The following MKLN1 variants were observed in gnomAD, a reference collection of about 807,000 sequenced individuals.
MKLN1 encodes the protein muskelin 1.
In MKLN1, 18 loss-of-function variants were observed where a neutral mutation model predicts 99.0. That is an observed-to-expected ratio of 0.18 (90% CI 0.13 to 0.27). MKLN1 has a LOEUF of 0.27. MKLN1 is among the 10% of genes least tolerant of loss of function. The pLI, the probability that MKLN1 is intolerant of heterozygous loss-of-function variation, is 1.00. For missense variants in MKLN1, 621 were observed against 875.9 expected (o/e 0.71, Z 3.67); for synonymous variants, 288 against 293.2 (o/e 0.98, Z 0.18).
chr7:131,339,459 C>T (rs889267014), intron 1 of MKLN1, among the ~76,000 whole-genome samples: 3 of 152,154 alleles, frequency 2.0e-5, no homozygotes, highest in African/African-American at 7.2e-5. Flanking sequence ...AATCCCAGCA[C>T]TTTGGGAGGC....
intron 6 of MKLN1, among the ~76,000 whole-genome samples, chr7:131,400,276 C>T (rs980920814): frequency 3.3e-5 from 5 of 151,390 alleles, no homozygotes; most frequent in African/African-American, 1.2e-4. Flanking sequence ...TAAAAAAAAA[C>T]CAGACTTGTA....
intron 2 of MKLN1, among the ~76,000 whole-genome samples, chr7:131,173,119 A>G (rs1217279605): frequency 6.8e-6 from 1 of 147,774 alleles, no homozygotes; most frequent in African/African-American, 2.5e-5. Context: ...ACTTATGTAT[A>G]CATCATATTT....
rs541418975 is a variant in MKLN1, at chr7:131,311,277, A to G, written c.-178-64147A>G. The stretch of plus-strand genomic sequence containing the variant: ...AGACAATTGTAACTGCTTTATGAGA[A>G]GAGAAATAAAACTAATTGTTTTAGA... On this transcript the variant is annotated intron_variant, in intron 3 of 7. Coordinates refer to the MKLN1 transcript ENST00000416992. 2.6e-5 allele frequency: 4 copies of G among 152,300 alleles called. No individual in the cohort carries two copies. The South Asian group carries it at 8.3e-4, about 32-fold the overall frequency. The allele number at this position is 152,300 out of a possible 1,614,324, so 9.4% of individuals were successfully genotyped here.
At chr7:131,187,473 G>A (rs1171523048) in intron 2 of MKLN1, among the ~76,000 whole-genome samples, 1 of 152,120 alleles carries the variant, frequency 6.6e-6, no homozygotes, top group Non-Finnish European at 1.5e-5. Flanking sequence ...TCCACCGCCT[G>A]TTTCTGTAAT....
chr7:131,162,345 G>A (rs1008693851), intron 2 of MKLN1, among the ~76,000 whole-genome samples: 3 of 152,030 alleles, frequency 2.0e-5, no homozygotes, highest in African/African-American at 7.2e-5. Context: ...GAACCAACAC[G>A]CTCATGGTGT....
chr7:131,221,781 G>A (rs1489756100), intron 3 of MKLN1, among the ~76,000 whole-genome samples: 1 of 150,948 alleles, frequency 6.6e-6, no homozygotes, highest in Non-Finnish European at 1.5e-5. Context: ...TTAGCCTCCC[G>A]AAGTGCTGGG....
intron 15 of MKLN1, among the ~76,000 whole-genome samples, chr7:131,470,033 A>C (rs183921049): frequency 6.6e-6 from 1 of 151,970 alleles, no homozygotes; most frequent in Non-Finnish European, 1.5e-5. Flanking sequence ...GTGCCACCGC[A>C]CCTGGCTAAT....
At chr7:131,272,514 C>T (rs1170175084) in intron 3 of MKLN1, among the ~76,000 whole-genome samples, 1 of 152,142 alleles carries the variant, frequency 6.6e-6, no homozygotes, top group African/African-American at 2.4e-5. Context: ...TTGGCTTACC[C>T]TCATGGGAAA....
At chr7:131,253,239 C>T (rs1264880860) in intron 3 of MKLN1, among the ~76,000 whole-genome samples, 1 of 152,134 alleles carries the variant, frequency 6.6e-6, no homozygotes, top group Non-Finnish European at 1.5e-5. Context: ...TGCCCAACCC[C>T]AACTAGGTCA....
chr7:131,259,459 G>C (rs188524940), intron 3 of MKLN1, among the ~76,000 whole-genome samples: 5 of 152,118 alleles, frequency 3.3e-5, no homozygotes, highest in Admixed American at 2.6e-4. Context: ...AGGTAAAGTA[G>C]TATGTGTATA....
chr7:131,270,212 C>A (rs187465958), intron 3 of MKLN1, among the ~76,000 whole-genome samples: 11 of 151,522 alleles, frequency 7.3e-5, no homozygotes, highest in African/African-American at 2.2e-4. Flanking sequence ...ATGAGCCATG[C>A]ACCCGGCCTA....
At chr7:131,307,405 C>A (rs1217655922) in intron 3 of MKLN1, among the ~76,000 whole-genome samples, 1 of 152,116 alleles carries the variant, frequency 6.6e-6, no homozygotes. Context: ...GGACAACCAT[C>A]CTCCAGGCCC....
chr7:131,209,973 G>T (rs1164963290), intron 3 of MKLN1, among the ~76,000 whole-genome samples: 2 of 152,230 alleles, frequency 1.3e-5, no homozygotes, highest in African/African-American at 4.8e-5. Flanking sequence ...TTCCTGGGTA[G>T]TATAGATGAG....
chr7:131,333,737 C>G (rs551766158), intron 1 of MKLN1, among the ~76,000 whole-genome samples: 2 of 152,086 alleles, frequency 1.3e-5, no homozygotes, highest in African/African-American at 2.4e-5. Flanking sequence ...GGGGTTTCTC[C>G]GTGTTGGTCA....
chr7:131,201,172 A>G (rs1041526946), intron 2 of MKLN1, among the ~76,000 whole-genome samples: 10 of 152,040 alleles, frequency 6.6e-5, no homozygotes, highest in African/African-American at 2.4e-4. Context: ...GGCACCCACC[A>G]CCACACCTGG....
intron 1 of MKLN1, chr7:131,142,780 G>T: frequency 2.0e-6 from 1 of 492,534 alleles, no homozygotes; most frequent in Admixed American, 3.6e-5. Context: ...AATTAATAGA[G>T]GTAGACTTCA....
intron 2 of MKLN1, among the ~76,000 whole-genome samples, chr7:131,192,168 TATA>T (rs1365300960): frequency 1.1e-5 from 1 of 94,742 alleles, no homozygotes; most frequent in African/African-American, 4.6e-5. Context: ...TATACTTATG[TATA>T]ATATATAAAA....
At chr7:131,153,302 T>G (rs1028520412) in intron 2 of MKLN1, among the ~76,000 whole-genome samples, 2 of 152,142 alleles carry the variant, frequency 1.3e-5, no homozygotes, top group African/African-American at 4.8e-5. Flanking sequence ...TTAATGTGCT[T>G]CTGTACATAT....
chr7:131,404,486 T>A (rs892145354), intron 6 of MKLN1, among the ~76,000 whole-genome samples: 2 of 152,074 alleles, frequency 1.3e-5, no homozygotes, highest in African/African-American at 4.8e-5. Flanking sequence ...GGCTAATTTT[T>A]AAAAATGTGG....
Sources: allele counts gnomAD v4.1 joint callset (sites outside exome capture counted in the v4.1 genomes callset), GRCh38; gene constraint gnomAD v4.1.1; transcripts MANE v1.5; gene names NCBI Gene and HGNC (gene_info 2026-07-23, HGNC 2026-07-21).